The following F8 variants were observed in gnomAD, a reference collection of about 807,000 sequenced individuals.
F8 encodes antihemophilic factor.
F8 carries 12 observed loss-of-function variants against 140.6 expected under a neutral mutation model. The observed-to-expected ratio is 0.09, with a 90% CI of 0.05 to 0.14. The LOEUF is 0.14. Ranked by LOEUF, F8 falls within the 10% of genes least tolerant of loss-of-function variation. F8 has a pLI of 1.00. For synonymous variants in F8, 585 were observed against 614.6 expected (o/e 0.95, Z 0.71); for missense variants, 1,354 against 1,720.7 (o/e 0.79, Z 3.77).
intron 22 of F8, among the ~76,000 whole-genome samples, chrX:154,867,307 T>G (rs951309824): frequency 9.9e-5 from 11 of 111,149 alleles, no homozygotes; most frequent in African/African-American, 3.6e-4. Flanking sequence ...TTCCAAAAAA[T>G]ACAAGAGAGA....
At chrX:154,968,435 C>G (rs1031882982) in intron 7 of F8, among the ~76,000 whole-genome samples, 2 of 111,675 alleles carry the variant, frequency 1.8e-5, no homozygotes, top group Non-Finnish European at 3.8e-5. Context: ...CTGTGGTATA[C>G]TGTTATTGCA....
intron 24 of F8, among the ~76,000 whole-genome samples, chrX:154,861,149 C>T (rs1307164867): frequency 1.8e-5 from 2 of 111,030 alleles, no homozygotes; most frequent in Admixed American, 1.9e-4. Context: ...CTCCGCCTCC[C>T]AGGTTCATGC....
At chrX:154,895,931 T>G in intron 22 of F8, 146 bp downstream of exon 22, 2 of 575,708 alleles carry the variant, frequency 3.5e-6, no homozygotes, top group Non-Finnish European at 5.9e-6. Context: ...TTTGCTGATA[T>G]GTCCGTAATA....
At chrX:154,956,914 A>T (rs782437818) in intron 11 of F8, 43 bp downstream of exon 11, 2 of 1,045,500 alleles carry the variant, frequency 1.9e-6, no homozygotes, top group Non-Finnish European at 2.7e-6. Context: ...AAGGGGACAT[A>T]CACTGAGAAT....
rs2073766098 is a variant in F8 at position 155,022,648 on chromosome X, G to C, written c.-96C>G. 1.7e-6 allele frequency: 2 copies of C among 1,191,787 alleles called. No individual in the cohort carries two copies. The highest frequency in any genetic ancestry group is 3.6e-5 in the South Asian group (2 of 54,979). ...AGGAGGGGAAAAAAGTAAAATTTCT[G>C]ATTTAATGAAAAGTCCCAATTTCTT... On this transcript the variant is annotated 5_prime_UTR_variant, in exon 1 of 26. The change creates a new upstream start codon in the 5' untranslated region. Coordinates refer to ENST00000360256, the MANE Select transcript of F8 (RefSeq NM_000132.4).
chrX:154,966,397 G>A, intron 8 of F8, 29 bp downstream of exon 8: 1 of 1,207,782 alleles, frequency 8.3e-7, no homozygotes, highest in Non-Finnish European at 1.1e-6. Context: ...ATGGGGAAGA[G>A]AGAGTACCAA....
intron 14 of F8, among the ~76,000 whole-genome samples, chrX:154,925,962 C>G (rs2073158125): frequency 8.9e-6 from 1 of 112,194 alleles, no homozygotes. Context: ...CTACCCAAAT[C>G]TCATCTTGAA....
intron 10 of F8, among the ~76,000 whole-genome samples, chrX:154,960,270 G>A (rs2073389054): frequency 9.0e-6 from 1 of 111,566 alleles, no homozygotes. Context: ...AAAACAAAGA[G>A]TTAGCAGTAT....
chrX:154,942,036 T>C (rs1401559474), intron 13 of F8, among the ~76,000 whole-genome samples: 2 of 104,039 alleles, frequency 1.9e-5, no homozygotes, highest in Non-Finnish European at 2.0e-5. Context: ...TGGAAATTTA[T>C]AGCACTAAAT....
At chrX:154,975,027 G>GAACT (rs199857212) in intron 6 of F8, among the ~76,000 whole-genome samples, 1 of 110,995 alleles carries the variant, frequency 9.0e-6, no homozygotes. Flanking sequence ...TCTTTTCAAA[G>GAACT]AACTAACTAA....
intron 11 of F8, among the ~76,000 whole-genome samples, chrX:154,954,803 T>G (rs1011884391): frequency 5.4e-5 from 6 of 111,863 alleles, no homozygotes; most frequent in South Asian, 3.7e-4. Flanking sequence ...GAAAAAACTA[T>G]AGTTAGGAAA....
chrX:154,916,410 A>C (rs2073097865), intron 14 of F8, among the ~76,000 whole-genome samples: 1 of 111,810 alleles, frequency 8.9e-6, no homozygotes, highest in Admixed American at 9.5e-5. Flanking sequence ...TTTCTTCAGC[A>C]GTGAAGTCAT....
intron 25 of F8, among the ~76,000 whole-genome samples, chrX:154,854,590 T>TTG (rs112995374): frequency 0.11 from 11,276 of 99,997 alleles, 609 homozygotes; most frequent in African/African-American, 0.18. Context: ...AGCTAATTCC[T>TTG]TGTGTGTGTG....
intron 14 of F8, among the ~76,000 whole-genome samples, chrX:154,924,247 C>T (rs893075975): frequency 5.4e-5 from 6 of 111,961 alleles, no homozygotes; most frequent in Non-Finnish European, 1.1e-4. Context: ...GTGGAAGCGA[C>T]TTTGGAACTG....
intron 25 of F8, among the ~76,000 whole-genome samples, chrX:154,841,612 A>G (rs2148557531): frequency 9.0e-6 from 1 of 111,507 alleles, no homozygotes; most frequent in Admixed American, 9.6e-5. Flanking sequence ...TTTTCTATCT[A>G]TGCCATCATA....
intron 13 of F8, among the ~76,000 whole-genome samples, chrX:154,939,478 G>A (rs782088148): frequency 8.9e-5 from 10 of 112,464 alleles, no homozygotes; most frequent in East Asian, 2.8e-4. Context: ...ATGGGTGCCC[G>A]CCATTGCTCA....
chrX:154,848,280 CTG>C (rs2072586219), intron 25 of F8, among the ~76,000 whole-genome samples: 2 of 112,594 alleles, frequency 1.8e-5, no homozygotes, highest in South Asian at 7.2e-4. Flanking sequence ...ATCACAAACT[CTG>C]TGCTGGGAGA....
chrX:154,962,892 ACG>A (rs1557281694), intron 9 of F8, among the ~76,000 whole-genome samples: 1 of 92,291 alleles, frequency 1.1e-5, no homozygotes, highest in Non-Finnish European at 2.0e-5. Flanking sequence ...AGAGACAGAG[ACG>A]AGAGAGAGAG....
chrX:154,955,097 C>T (rs7061362), intron 11 of F8, among the ~76,000 whole-genome samples: 17,170 of 104,100 alleles, frequency 0.16, 1,176 homozygotes, highest in African/African-American at 0.24. Context: ...AGAAATGGTC[C>T]AAATTCTAGC....
Sources: gnomAD v4.1 joint callset for allele counts (sites outside exome capture counted in the v4.1 genomes callset) on GRCh38, gnomAD v4.1.1 for gene constraint, MANE v1.5 for transcripts, NCBI Gene and HGNC (gene_info 2026-07-23, HGNC 2026-07-21) for gene names.